Variants in ADAMTS3 observed in about 807,000 individuals in gnomAD.
ADAMTS3 encodes ADAM metallopeptidase with thrombospondin type 1 motif 3.
Under a neutral mutation model 129.0 loss-of-function variants are expected in ADAMTS3, and 73 were observed. The observed-to-expected ratio is 0.57, with a 90% CI of 0.47 to 0.69. The LOEUF is 0.69. Among genes scored for constraint, ADAMTS3 ranks in the 30% least tolerant of loss-of-function variants. ADAMTS3 has a pLI of 0.00. For synonymous variants in ADAMTS3, 477 were observed against 510.8 expected (o/e 0.93, Z 0.89); for missense variants, 1,457 against 1,514.5 (o/e 0.96, Z 0.63).
chr4:72,421,938 A>T (rs1382358259), intron 3 of ADAMTS3, among the ~76,000 whole-genome samples: 1 of 152,204 alleles, frequency 6.6e-6, no homozygotes, highest in African/African-American at 2.4e-5. Context: ...TCTTTTATCC[A>T]CTAGAATGCC....
At chr4:72,533,673 A>ATATGTATATATAAATATATATG (rs1164175826) in intron 3 of ADAMTS3, among the ~76,000 whole-genome samples, 2 of 151,370 alleles carry the variant, frequency 1.3e-5, no homozygotes. Context: ...GTATATGCAC[A>ATATGTATATATAAATATATATG]TATATGCACA....
chr4:72,526,606 A>G (rs928520909), intron 3 of ADAMTS3, among the ~76,000 whole-genome samples: 2 of 43,060 alleles, frequency 4.6e-5, no homozygotes, highest in Admixed American at 2.3e-4. Context: ...GTGTGTGTGT[A>G]GAGTCCATGT....
intron 15 of ADAMTS3, among the ~76,000 whole-genome samples, chr4:72,308,466 CA>C (rs1719146010): frequency 6.6e-6 from 1 of 151,712 alleles, no homozygotes; most frequent in South Asian, 2.1e-4. Flanking sequence ...TAACGTAAAC[CA>C]TATTTCTTTG....
chr4:72,478,986 G>A (rs545435060), intron 3 of ADAMTS3, among the ~76,000 whole-genome samples: 1 of 152,238 alleles, frequency 6.6e-6, no homozygotes, highest in Admixed American at 6.5e-5. Context: ...CTACTTACAA[G>A]GGACGTGAAG....
intron 3 of ADAMTS3, among the ~76,000 whole-genome samples, chr4:72,492,451 G>A (rs961013454): frequency 2.0e-5 from 3 of 150,996 alleles, no homozygotes; most frequent in Non-Finnish European, 4.4e-5. Context: ...CCTTTGTTTC[G>A]AGATACACTT....
rs553094592 is a variant in ADAMTS3 at position 72,313,679 on chromosome 4, G to A, written c.1743C>T (p.Pro581=). Residue 581 remains proline (P), a splice_region_variant and synonymous_variant, in exon 12 of 22, where the codon CCC becomes CCT. Transcript: ENST00000286657. ...AAGAGTTACAAGGATATACTCACAT[G>A]GGATTATTGCACTGGCGTGTTCTGA... ...VRFRTRQCNN[P]MPINGGQDCP... The A allele has an allele frequency of 3.1e-5, 50 of 1,613,344 alleles. No individual in the cohort carries two copies. In the South Asian group the frequency reaches 4.1e-4, roughly 13 times the overall value.
intron 13 of ADAMTS3, 60 bp downstream of exon 13, chr4:72,312,231 C>T (rs1165077335): frequency 1.6e-5 from 26 of 1,591,766 alleles, no homozygotes; most frequent in East Asian, 1.6e-4. Context: ...TTCGTGCTGG[C>T]AAAGCTTAAA....
chr4:72,292,019 T>C (rs185865376), intron 19 of ADAMTS3, among the ~76,000 whole-genome samples: 1 of 152,346 alleles, frequency 6.6e-6, no homozygotes, highest in East Asian at 1.9e-4. Flanking sequence ...GTTGCCCTGT[T>C]AGATTCAGGC....
intron 5 of ADAMTS3, among the ~76,000 whole-genome samples, chr4:72,325,626 C>G (rs867001984): frequency 1.3e-5 from 2 of 151,978 alleles, no homozygotes; most frequent in Admixed American, 6.6e-5. Context: ...GTAAATAAAA[C>G]TAGATAACAA....
intron 4 of ADAMTS3, among the ~76,000 whole-genome samples, chr4:72,348,617 G>C (rs763577932): frequency 3.3e-5 from 5 of 152,000 alleles, no homozygotes; most frequent in Non-Finnish European, 1.5e-5. Flanking sequence ...CCATAAGATA[G>C]AAACATTATC....
At position 72,358,196 on chromosome 4, in the gene ADAMTS3, T is replaced by C. The variant is rs560379005; in HGVS notation, c.662-18503A>G. ...TTTGAAAGGCCTCCCCTCTATACTCTTGACATGATATAAACTACTTTTATA... is the reference window on the plus strand; with the variant it reads ...TTTGAAAGGCCTCCCCTCTATACTCCTGACATGATATAAACTACTTTTATA... On this transcript the variant is annotated intron_variant, in intron 4 of 21. Transcript: ENST00000286657. Among the ~76,000 whole-genome samples the C allele has an allele frequency of 3.3e-5, 5 of 152,094 alleles. No homozygotes were observed. The East Asian group carries it at 9.7e-4, about 29-fold the overall frequency.
At chr4:72,501,032 G>C (rs1173265288) in intron 3 of ADAMTS3, among the ~76,000 whole-genome samples, 1 of 152,144 alleles carries the variant, frequency 6.6e-6, no homozygotes, top group East Asian at 1.9e-4. Flanking sequence ...TGTATAGTTT[G>C]AGGTCAGGTA....
chr4:72,372,962 T>C (rs1275913431), intron 4 of ADAMTS3, among the ~76,000 whole-genome samples: 1 of 152,190 alleles, frequency 6.6e-6, no homozygotes, highest in African/African-American at 2.4e-5. Flanking sequence ...AATCCCCCAC[T>C]TTAATTCCAT....
chr4:72,320,711 T>A lies in ADAMTS3; in HGVS notation c.1102+3A>T. ...TATTTCTTCTACATATTGACAGCAA[T>A]ACCTTGCATTCCAGCAGGTCCAAAG... On this transcript the variant is annotated splice_donor_region_variant and intron_variant, in intron 7 of 21. Coordinates refer to ENST00000286657, the MANE Select transcript of ADAMTS3 (RefSeq NM_014243.3). 1 of 1,612,756 alleles carries A rather than the reference T, an allele frequency of 6.2e-7. No individual in the cohort carries two copies. Among genetic ancestry groups the A allele is most frequent in the Non-Finnish European group, 8.5e-7 (1 of 1,179,424 alleles).
At chr4:72,301,646 G>C (rs537773032) in intron 17 of ADAMTS3, among the ~76,000 whole-genome samples, 1 of 151,890 alleles carries the variant, frequency 6.6e-6, no homozygotes, top group African/African-American at 2.4e-5. Context: ...TCATCCATGA[G>C]GGAGTAATGG....
At chr4:72,479,926 CAA>C (rs1455368077) in intron 3 of ADAMTS3, among the ~76,000 whole-genome samples, 1 of 151,980 alleles carries the variant, frequency 6.6e-6, no homozygotes, top group Non-Finnish European at 1.5e-5. Context: ...TTTATGCAGC[CAA>C]AAGACACATG....
intron 3 of ADAMTS3, among the ~76,000 whole-genome samples, chr4:72,477,437 G>A (rs1038578568): frequency 6.6e-6 from 1 of 152,128 alleles, no homozygotes; most frequent in Non-Finnish European, 1.5e-5. Flanking sequence ...GCTCCTGAAT[G>A]ACTACTGGGT....
In ADAMTS3 at chr4:72,290,923, G is replaced by C. The variant is rs766991878; in HGVS notation, c.2863C>G (p.Pro955Ala). ...CTGTTACAGGGCCGGCGGCTCTCGG[G>C]ACGGTCACCCATGCAGTATTTGCTG... ...VHSKYCMGDR[P>A]ESRRPCNRVP... The change falls in exon 20 of 22, where the codon CCC becomes GCC. Residue 955 changes from proline to alanine, a missense_variant. Physicochemically the swap from Pro to Ala is conservative, Grantham distance 27 (BLOSUM62 -1). Transcript: ENST00000286657. 2 of 1,614,066 alleles carry C rather than the reference G, an allele frequency of 1.2e-6. No individual in the cohort carries two copies. Among genetic ancestry groups the C allele is most frequent in the Non-Finnish European group, 1.7e-6 (2 of 1,179,974 alleles).
chr4:72,333,723 T>A (rs1719910027), intron 5 of ADAMTS3, among the ~76,000 whole-genome samples: 1 of 152,194 alleles, frequency 6.6e-6, no homozygotes, highest in South Asian at 2.1e-4. Context: ...GACCTTTTAG[T>A]TACTAAAACG....
Sources: allele counts gnomAD v4.1 joint callset (sites outside exome capture counted in the v4.1 genomes callset), GRCh38; gene constraint gnomAD v4.1.1; transcripts MANE v1.5; gene names NCBI Gene and HGNC (gene_info 2026-07-23, HGNC 2026-07-21).